The following BMAL2 variants were observed in gnomAD, a reference collection of about 807,000 sequenced individuals.
BMAL2 encodes the protein basic helix-loop-helix ARNT like 2, also known as basic helix-loop-helix ARNT-like protein 2.
At chr12:27,357,614 A>G in the BMAL2 span, among the ~76,000 whole-genome samples, 1 of 152,220 alleles carries the variant, frequency 6.6e-6, no homozygotes, top group Non-Finnish European at 1.5e-5. Context: ...CTGACTTCAC[A>G]CTATACTATT....
the BMAL2 span, among the ~76,000 whole-genome samples, chr12:27,400,259 A>G: frequency 1.3e-5 from 2 of 152,184 alleles, no homozygotes; most frequent in Admixed American, 6.5e-5. Flanking sequence ...ATGTTAAGTC[A>G]TAGACCTAGT....
At chr12:27,396,052 A>T in the BMAL2 span, among the ~76,000 whole-genome samples, 1 of 152,210 alleles carries the variant, frequency 6.6e-6, no homozygotes, top group South Asian at 2.1e-4. Flanking sequence ...GTGTGACTGT[A>T]TTCGTAGTTA....
At chr12:27,353,296 C>T in the BMAL2 span, among the ~76,000 whole-genome samples, 33 of 152,214 alleles carry the variant, frequency 2.2e-4, no homozygotes, top group East Asian at 3.9e-3. Flanking sequence ...ATCTGATCTT[C>T]GACAAAGCTG....
At chr12:27,403,226 G>C in the BMAL2 span, among the ~76,000 whole-genome samples, 1 of 152,172 alleles carries the variant, frequency 6.6e-6, no homozygotes, top group African/African-American at 2.4e-5. Context: ...CTGGAGTCAA[G>C]GGTTACTAGT....
At chr12:27,401,654 A>G in the BMAL2 span, 1 of 1,600,238 alleles carries the variant, frequency 6.2e-7, no homozygotes, top group Non-Finnish European at 8.5e-7. Flanking sequence ...AATATATTGT[A>G]TCTGTCAACA....
the BMAL2 span, among the ~76,000 whole-genome samples, chr12:27,354,823 A>G: frequency 6.6e-6 from 1 of 152,128 alleles, no homozygotes; most frequent in Non-Finnish European, 1.5e-5. Flanking sequence ...TTTCCTTCCT[A>G]CTAGAAATAT....
the BMAL2 span, among the ~76,000 whole-genome samples, chr12:27,369,263 A>G: frequency 6.6e-6 from 1 of 151,948 alleles, no homozygotes; most frequent in Non-Finnish European, 1.5e-5. Context: ...ATAAGGACAT[A>G]ATAAAACATC....
the BMAL2 span, among the ~76,000 whole-genome samples, chr12:27,360,803 C>CAAAAAAAAAAAAAAAAAAAAAAAAAAA: frequency 1.1e-4 from 5 of 46,792 alleles, 1 homozygote; most frequent in South Asian, 1.2e-3. Context: ...GTGATTTGTC[C>CAAAAAAAAAAAAAAAAAAAAAAAAAAA]AAAAAAAAAA....
At chr12:27,336,929 G>C in the BMAL2 span, among the ~76,000 whole-genome samples, 1 of 131,294 alleles carries the variant, frequency 7.6e-6, no homozygotes, top group Admixed American at 8.6e-5. Flanking sequence ...CAGCCTGGGT[G>C]ACAGAGCGAG....
chr12:27,379,744 A>G, the BMAL2 span, among the ~76,000 whole-genome samples: 1 of 152,128 alleles, frequency 6.6e-6, no homozygotes, highest in Non-Finnish European at 1.5e-5. Context: ...GCACTCTTTC[A>G]GGGAGTTTGC....
chr12:27,416,436 T>C, the BMAL2 span, among the ~76,000 whole-genome samples: 1 of 152,118 alleles, frequency 6.6e-6, no homozygotes, highest in Admixed American at 6.5e-5. Context: ...ACAAGATAAA[T>C]ACCACATACT....
chr12:27,358,054 C>T, the BMAL2 span, among the ~76,000 whole-genome samples: 11 of 151,698 alleles, frequency 7.3e-5, no homozygotes, highest in East Asian at 2.1e-3. Flanking sequence ...ATAGATGAGA[C>T]TTAATTAAAC....
the BMAL2 span, chr12:27,380,260 C>G: frequency 6.2e-7 from 1 of 1,613,902 alleles, no homozygotes; most frequent in Non-Finnish European, 8.5e-7. Context: ...AGCTCATAGC[C>G]AAACTGAAAA....
At chr12:27,376,917 C>T in the BMAL2 span, among the ~76,000 whole-genome samples, 25 of 141,754 alleles carry the variant, frequency 1.8e-4, no homozygotes, top group East Asian at 8.4e-4. Context: ...AGGAGAATGG[C>T]GTGAACTCGG....
At chr12:27,401,681 A>G in the BMAL2 span, 3 of 1,563,032 alleles carry the variant, frequency 1.9e-6, no homozygotes, top group Non-Finnish European at 2.6e-6. Context: ...TTTTGTAAGT[A>G]ATTTTTTATG....
At chr12:27,377,444 C>G in the BMAL2 span, 14 of 152,252 alleles carry the variant, frequency 9.2e-5, no homozygotes, top group Admixed American at 2.0e-4. Context: ...TCTCCAGATC[C>G]TGGCTCAGAG....
At chr12:27,341,692 C>T in the BMAL2 span, among the ~76,000 whole-genome samples, 334 of 152,278 alleles carry the variant, frequency 2.2e-3, 3 homozygotes, top group African/African-American at 7.2e-3. Context: ...GATGTGGGTA[C>T]GTGCTCCAGA....
At chr12:27,395,374 T>C in the BMAL2 span, among the ~76,000 whole-genome samples, 2 of 152,174 alleles carry the variant, frequency 1.3e-5, no homozygotes, top group Non-Finnish European at 2.9e-5. Context: ...ATATGGGAGC[T>C]CAAGTCAGTC....
At chr12:27,376,526 A>G in the BMAL2 span, 4 of 648,118 alleles carry the variant, frequency 6.2e-6, no homozygotes, top group East Asian at 1.2e-4. Flanking sequence ...CTGAGAAGCA[A>G]TGTTATCAGG....
Sources: gnomAD v4.1 joint callset for allele counts (sites outside exome capture counted in the v4.1 genomes callset) on GRCh38, gnomAD v4.1.1 for gene constraint, MANE v1.5 for transcripts, NCBI Gene and HGNC (gene_info 2026-07-23, HGNC 2026-07-21) for gene names.